ELMO1: variants seen among roughly 807,000 people sequenced by gnomAD.
ELMO1 encodes the protein engulfment and cell motility protein 1.
In ELMO1, 26 loss-of-function variants were observed where a neutral mutation model predicts 98.9. That is an observed-to-expected ratio of 0.26 (90% CI 0.19 to 0.36). The LOEUF (loss-of-function observed/expected upper bound fraction) is 0.36. Ranked by LOEUF, ELMO1 falls within the 10% of genes least tolerant of loss-of-function variation. The pLI is 1.00. For missense variants in ELMO1, 627 were observed against 935.2 expected (o/e 0.67, Z 4.30); for synonymous variants, 346 against 346.0 (o/e 1.00, Z 0.00).
Position 37,366,790 on chromosome 7 carries a change from C to T in ELMO1, c.-73-24027G>A, listed in dbSNP as rs117681145. Among the ~76,000 whole-genome samples, 895 of 152,310 alleles carry T rather than the reference C, an allele frequency of 5.9e-3. 6 individuals carry two copies. The highest frequency in any genetic ancestry group is 9.8e-3 in the Non-Finnish European group (669 of 68,024). On this transcript the variant is annotated intron_variant, in intron 1 of 21. Transcript: ENST00000310758. ...CTCCTCTAACGGAGAAAGAGAGATT[C>T]TTTATTCATTTCAAAAATATTAACA...
At chr7:36,950,239 A>G (rs1787860265) in intron 16 of ELMO1, among the ~76,000 whole-genome samples, 1 of 152,250 alleles carries the variant, frequency 6.6e-6, no homozygotes, top group Non-Finnish European at 1.5e-5. Context: ...GCTCATTATT[A>G]ACATCTGTGA....
At chr7:37,141,864 C>A (rs968078540) in intron 13 of ELMO1, among the ~76,000 whole-genome samples, 5 of 152,142 alleles carry the variant, frequency 3.3e-5, no homozygotes, top group African/African-American at 1.2e-4. Context: ...AACTGTCTTA[C>A]CCATGCTGAT....
chr7:37,220,197 A>C lies in ELMO1; in HGVS notation c.780+2418T>G, dbSNP rs185773999. Among the ~76,000 whole-genome samples, 306 of 152,308 alleles carry C rather than the reference A, an allele frequency of 2.0e-3. 4 individuals carry two copies. Among genetic ancestry groups the C allele is most frequent in the African/African-American group, 6.9e-3 (287 of 41,570 alleles). On this transcript the variant is annotated intron_variant, in intron 10 of 21. Coordinates refer to ENST00000310758, the MANE Select transcript of ELMO1 (RefSeq NM_014800.11). Reference sequence around the variant, plus strand: ...CCTTTTTAGAGCTATCTCGCTACTCACTGAAATTTTTTTAAATTTAAAAAT... The same window carrying C: ...CCTTTTTAGAGCTATCTCGCTACTCCCTGAAATTTTTTTAAATTTAAAAAT...
At chr7:36,921,626 A>T (rs1381190050) in intron 16 of ELMO1, among the ~76,000 whole-genome samples, 1 of 152,178 alleles carries the variant, frequency 6.6e-6, no homozygotes, top group African/African-American at 2.4e-5. Flanking sequence ...GAGTCAAGTA[A>T]AATTGTGGTT....
chr7:37,140,056 G>A (rs184352363), intron 13 of ELMO1, among the ~76,000 whole-genome samples: 1 of 151,974 alleles, frequency 6.6e-6, no homozygotes, highest in Non-Finnish European at 1.5e-5. Context: ...CAACTTACAC[G>A]AAAATCAACT....
chr7:37,429,163 T>G (rs1050606834), intron 1 of ELMO1: 6 of 152,244 alleles, frequency 3.9e-5, no homozygotes, highest in Non-Finnish European at 8.8e-5. Flanking sequence ...CCAACTTGTC[T>G]TCTTTCCAAC....
At chr7:37,374,536 G>T (rs1391126478) in intron 1 of ELMO1, among the ~76,000 whole-genome samples, 1 of 151,960 alleles carries the variant, frequency 6.6e-6, no homozygotes, top group African/African-American at 2.4e-5. Context: ...TGGATCACAA[G>T]GTCAGGAGAT....
At chr7:37,079,960 T>C (rs1448347242) in intron 15 of ELMO1, among the ~76,000 whole-genome samples, 1 of 152,190 alleles carries the variant, frequency 6.6e-6, no homozygotes, top group Non-Finnish European at 1.5e-5. Context: ...TATATCCAAC[T>C]ATGAAATCAA....
intron 1 of ELMO1, among the ~76,000 whole-genome samples, chr7:37,443,970 T>A (rs760285852): frequency 6.6e-6 from 1 of 152,186 alleles, no homozygotes; most frequent in Non-Finnish European, 1.5e-5. Context: ...CGTGGTGAGA[T>A]CACAGCTCAC....
chr7:37,011,305 AGG>A (rs1256995072), intron 16 of ELMO1, among the ~76,000 whole-genome samples: 1 of 152,182 alleles, frequency 6.6e-6, no homozygotes, highest in Non-Finnish European at 1.5e-5. Context: ...GATAAGCCAC[AGG>A]GACCCTAGAG....
At chr7:36,952,964 CTTTT>C (rs70980904) in intron 16 of ELMO1, among the ~76,000 whole-genome samples, 103 of 82,876 alleles carry the variant, frequency 1.2e-3, no homozygotes, top group African/African-American at 4.4e-3. Context: ...AGTCACTACT[CTTTT>C]TTTTTTTTTT....
rs555523301 is a variant in ELMO1 at position 37,126,064 on chromosome 7, G to T, written c.1191+7066C>A. Reference sequence around the variant, plus strand: ...TTGCAAGGACAAAAAACCAAACATCGCATGTTCTCACTTATAGGTGGGAAC... The same window carrying T: ...TTGCAAGGACAAAAAACCAAACATCTCATGTTCTCACTTATAGGTGGGAAC... On this transcript the variant is annotated intron_variant, in intron 14 of 21. Transcript: ENST00000310758. Among the ~76,000 whole-genome samples the T allele has an allele frequency of 2.0e-5, 3 of 151,848 alleles. No individual in the cohort carries two copies. In the South Asian group the frequency reaches 6.3e-4, roughly 32 times the overall value.
intron 15 of ELMO1, among the ~76,000 whole-genome samples, chr7:37,023,327 T>C (rs559457888): frequency 1.3e-5 from 2 of 152,238 alleles, no homozygotes; most frequent in Non-Finnish European, 2.9e-5. Context: ...ATATCCTGTC[T>C]ATCCAGTAGA....
At chr7:36,888,366 T>C (rs1313929759) in intron 17 of ELMO1, among the ~76,000 whole-genome samples, 2 of 152,118 alleles carry the variant, frequency 1.3e-5, no homozygotes, top group Non-Finnish European at 2.9e-5. Context: ...AGAGCAGAAA[T>C]TTTTATCATA....
intron 6 of ELMO1, among the ~76,000 whole-genome samples, chr7:37,255,205 T>C (rs747021888): frequency 6.6e-6 from 1 of 152,154 alleles, no homozygotes; most frequent in South Asian, 2.1e-4. Context: ...ATGATTAATT[T>C]AAAATGAAGC....
At chr7:37,019,153 GA>G (rs1794127694) in intron 15 of ELMO1, among the ~76,000 whole-genome samples, 1 of 152,244 alleles carries the variant, frequency 6.6e-6, no homozygotes. Flanking sequence ...TTTCACAGAT[GA>G]GAAAATTGAG....
chr7:37,387,232 G>A (rs148504277), intron 1 of ELMO1, among the ~76,000 whole-genome samples: 7 of 152,324 alleles, frequency 4.6e-5, no homozygotes, highest in East Asian at 1.9e-4. Context: ...GATTAGTTCC[G>A]AGTGCTGCCT....
At chr7:36,951,094 A>ACC (rs1303606590) in intron 16 of ELMO1, among the ~76,000 whole-genome samples, 9 of 152,144 alleles carry the variant, frequency 5.9e-5, no homozygotes, top group Non-Finnish European at 1.3e-4. Flanking sequence ...TACTGTTGCC[A>ACC]CCTTGGTCCA....
chr7:37,236,124 G>T (rs542370266), intron 7 of ELMO1, among the ~76,000 whole-genome samples: 1 of 152,278 alleles, frequency 6.6e-6, no homozygotes, highest in Non-Finnish European at 1.5e-5. Flanking sequence ...GCTCAATAGA[G>T]CCCTAATCCA....
Sources: gnomAD v4.1 joint callset for allele counts (sites outside exome capture counted in the v4.1 genomes callset) on GRCh38, gnomAD v4.1.1 for gene constraint, MANE v1.5 for transcripts, NCBI Gene and HGNC (gene_info 2026-07-23, HGNC 2026-07-21) for gene names.